Variants in FAF1 observed in about 807,000 individuals in gnomAD.
The protein encoded by FAF1 is Fas associated factor 1.
In FAF1, 25 loss-of-function variants were observed where a neutral mutation model predicts 92.5. That is an observed-to-expected ratio of 0.27 (90% confidence interval 0.20 to 0.38). FAF1 has a LOEUF of 0.38. Among genes scored for constraint, FAF1 ranks in the 10% least tolerant of loss-of-function variants. The pLI is 1.00. For missense variants in FAF1, 636 were observed against 793.3 expected, an observed-to-expected ratio of 0.80 and a Z score of 2.38; for synonymous variants, 234 against 273.2, an observed-to-expected ratio of 0.86 and a Z score of 1.42.
chr1:50,602,268 C>CT (rs1415208269), intron 8 of FAF1, among the ~76,000 whole-genome samples: 1 of 152,164 alleles, frequency 6.6e-6, no homozygotes, highest in African/African-American at 2.4e-5. Flanking sequence ...ATATCTCAAG[C>CT]TTGTCATCGT....
intron 15 of FAF1, among the ~76,000 whole-genome samples, chr1:50,527,273 C>A (rs185326511): frequency 6.6e-6 from 1 of 152,084 alleles, no homozygotes; most frequent in Non-Finnish European, 1.5e-5. Context: ...GTGCTATTGG[C>A]CACTTGTATA....
chr1:50,450,185 C>A (rs1385558734), intron 18 of FAF1, among the ~76,000 whole-genome samples: 1 of 143,906 alleles, frequency 6.9e-6, no homozygotes, highest in Non-Finnish European at 1.5e-5. Flanking sequence ...CAGAGCAAGA[C>A]TCCATCTCAA....
At chr1:50,899,738 C>G (rs1386993230) in intron 1 of FAF1, among the ~76,000 whole-genome samples, 1 of 152,198 alleles carries the variant, frequency 6.6e-6, no homozygotes, top group African/African-American at 2.4e-5. Context: ...GCGTGAGCCA[C>G]CACGCCCAGC....
At position 50,627,473 on chromosome 1, in the gene FAF1, T is replaced by G. The variant is rs1173362653; in HGVS notation, c.744+27969A>C. 2.0e-5 allele frequency among the ~76,000 whole-genome samples: 3 copies of G among 151,876 alleles called. No homozygotes were observed. The East Asian group carries it at 5.8e-4, about 29-fold the overall frequency. On this transcript the variant is annotated intron_variant, in intron 8 of 18. Transcript: ENST00000396153. Reference sequence around the variant, plus strand: ...GTAGAACAGATAAACGGGTGAAATATCCACACAATGGAATATAATAAAGCA... The same window carrying G: ...GTAGAACAGATAAACGGGTGAAATAGCCACACAATGGAATATAATAAAGCA...
intron 15 of FAF1, among the ~76,000 whole-genome samples, chr1:50,534,822 T>G (rs1373912447): frequency 6.6e-6 from 1 of 152,190 alleles, no homozygotes; most frequent in East Asian, 1.9e-4. Context: ...ATTATTTTAT[T>G]TGAGGTTCTA....
intron 8 of FAF1, among the ~76,000 whole-genome samples, chr1:50,599,293 G>A (rs1246489030): frequency 6.6e-6 from 1 of 151,970 alleles, no homozygotes; most frequent in African/African-American, 2.4e-5. Context: ...TTGTATCTTT[G>A]TAGAGACGGG....
intron 5 of FAF1, among the ~76,000 whole-genome samples, chr1:50,744,174 A>G (rs913336451): frequency 2.6e-5 from 4 of 152,238 alleles, no homozygotes; most frequent in Admixed American, 2.6e-4. Flanking sequence ...AATTCTTAAA[A>G]TATAATTCAT....
At chr1:50,822,738 T>C (rs1644054121) in intron 2 of FAF1, among the ~76,000 whole-genome samples, 1 of 150,370 alleles carries the variant, frequency 6.7e-6, no homozygotes, top group Non-Finnish European at 1.5e-5. Flanking sequence ...AGTAGTTTTT[T>C]TGGTGTTTTT....
chr1:50,715,636 T>C (rs971363133), intron 6 of FAF1, among the ~76,000 whole-genome samples: 2 of 152,208 alleles, frequency 1.3e-5, no homozygotes, highest in African/African-American at 4.8e-5. Flanking sequence ...AGGCTTCCAA[T>C]GCTCTTTCAT....
intron 1 of FAF1, among the ~76,000 whole-genome samples, chr1:50,865,721 G>C (rs1367295294): frequency 1.5e-5 from 2 of 130,800 alleles, no homozygotes; most frequent in African/African-American, 5.8e-5. Flanking sequence ...ATAGCTTTAG[G>C]AGATATACCT....
chr1:50,888,098 C>T (rs951743396), intron 1 of FAF1, among the ~76,000 whole-genome samples: 2 of 152,144 alleles, frequency 1.3e-5, no homozygotes, highest in Non-Finnish European at 2.9e-5. Flanking sequence ...CTTCACGTCC[C>T]TTGTAAGTTG....
chr1:50,500,208 T>C (rs1324761406), intron 15 of FAF1, among the ~76,000 whole-genome samples: 1 of 152,062 alleles, frequency 6.6e-6, no homozygotes, highest in Non-Finnish European at 1.5e-5. Flanking sequence ...AAAAGAATTA[T>C]GGATAAAAAA....
intron 5 of FAF1, among the ~76,000 whole-genome samples, chr1:50,744,204 C>A (rs1311490185): frequency 1.3e-5 from 2 of 152,184 alleles, no homozygotes; most frequent in African/African-American, 4.8e-5. Flanking sequence ...CTGCCACTAT[C>A]CAAGTCAACA....
At chr1:50,808,162 A>C (rs1467600060) in intron 2 of FAF1, among the ~76,000 whole-genome samples, 1 of 152,188 alleles carries the variant, frequency 6.6e-6, no homozygotes, top group Non-Finnish European at 1.5e-5. Flanking sequence ...AACTAAAATA[A>C]GCTTCATAAG....
At chr1:50,518,239 T>G (rs931604659) in intron 15 of FAF1, among the ~76,000 whole-genome samples, 4 of 152,198 alleles carry the variant, frequency 2.6e-5, no homozygotes, top group Non-Finnish European at 5.9e-5. Flanking sequence ...ACTGATATAT[T>G]TTACAAAGCA....
At chr1:50,690,768 T>A (rs1656884264) in intron 7 of FAF1, among the ~76,000 whole-genome samples, 1 of 152,182 alleles carries the variant, frequency 6.6e-6, no homozygotes, top group Non-Finnish European at 1.5e-5. Flanking sequence ...TATTTTCCCT[T>A]CCCTCCAGCC....
chr1:50,748,381 C>T (rs953731349), intron 4 of FAF1, among the ~76,000 whole-genome samples: 6 of 151,930 alleles, frequency 3.9e-5, no homozygotes, highest in African/African-American at 1.5e-4. Flanking sequence ...CCTGTAATCC[C>T]AGCTACTCAG....
chr1:50,446,652 C>T (rs985999960), intron 18 of FAF1, among the ~76,000 whole-genome samples: 1 of 152,188 alleles, frequency 6.6e-6, no homozygotes, highest in African/African-American at 2.4e-5. Context: ...CATATTTACA[C>T]AAACATTAAC....
intron 3 of FAF1, among the ~76,000 whole-genome samples, chr1:50,800,730 T>C (rs1386538031): frequency 6.6e-6 from 1 of 152,242 alleles, no homozygotes; most frequent in South Asian, 2.1e-4. Flanking sequence ...CATGGTGAAC[T>C]TCCTGATGTT....
Sources: gnomAD v4.1 joint callset for allele counts (sites outside exome capture counted in the v4.1 genomes callset) on GRCh38, gnomAD v4.1.1 for gene constraint, MANE v1.5 for transcripts, NCBI Gene and HGNC (gene_info 2026-07-23, HGNC 2026-07-21) for gene names.